TSBP1: variants seen among roughly 807,000 people sequenced by gnomAD.
The protein encoded by TSBP1 is testis expressed basic protein 1.
TSBP1 carries 56 observed loss-of-function variants against 68.8 expected under a neutral mutation model. The ratio of observed to expected loss-of-function variants is 0.81; its 90% confidence interval spans 0.66 to 1.02. TSBP1 has a LOEUF of 1.02. Ranked by LOEUF, TSBP1 falls within the 50% of genes least tolerant of loss-of-function variation. TSBP1 has a pLI of 0.00. For missense variants in TSBP1, 502 were observed against 641.2 expected (o/e 0.78, Z 2.34); for synonymous variants, 171 against 208.7 (o/e 0.82, Z 1.56).
In TSBP1 at chr6:32,330,673, C is replaced by CACACA. The variant is rs1192614256; in HGVS notation, c.494-65_494-64insTGTGT. The CACACA allele has an allele frequency of 2.7e-6, 4 of 1,464,580 alleles. No individual in the cohort carries two copies. The African/African-American group carries it at 5.7e-5, about 21-fold the overall frequency. The allele number at this position is 1,464,580 out of a possible 1,614,324, so 90.7% of individuals were successfully genotyped here. The stretch of plus-strand genomic sequence containing the variant: ...ACACACACACACACACACACACACA[C>CACACA]ACTTCTATTTTTTGAGACAGAGTCT... On this transcript the variant is annotated intron_variant, in intron 15 of 22. Transcript: ENST00000612031.
chr6:32,331,580 C>T (rs1178808975), intron 15 of TSBP1, among the ~76,000 whole-genome samples: 1 of 152,144 alleles, frequency 6.6e-6, no homozygotes, highest in East Asian at 1.9e-4. Flanking sequence ...AAAGGGCCAA[C>T]TAAAGAAACA....
intron 19 of TSBP1, among the ~76,000 whole-genome samples, chr6:32,309,965 A>G (rs1044920733): frequency 2.0e-5 from 3 of 152,088 alleles, no homozygotes; most frequent in Non-Finnish European, 4.4e-5. Flanking sequence ...CAATGTTTTA[A>G]TTTTTAGTTC....
At chr6:32,329,239 A>T (rs200164493) in intron 16 of TSBP1, among the ~76,000 whole-genome samples, 1 of 69,124 alleles carries the variant, frequency 1.4e-5, no homozygotes, top group Non-Finnish European at 4.1e-5. Context: ...GGAGTCAAGC[A>T]GGGGAGAAAA....
At chr6:32,294,322 A>G (rs1290810358) in intron 22 of TSBP1, among the ~76,000 whole-genome samples, 2 of 151,904 alleles carry the variant, frequency 1.3e-5, no homozygotes, top group Non-Finnish European at 2.9e-5. Context: ...AATAATGCTT[A>G]GTGGCTAACA....
intron 9 of TSBP1, 156 bp downstream of exon 9, chr6:32,349,584 G>C: frequency 1.7e-6 from 1 of 592,720 alleles, no homozygotes; most frequent in East Asian, 2.8e-5. Flanking sequence ...ACTGATTATT[G>C]AAGTGTCTGG....
chr6:32,337,069 G>C lies in TSBP1; in HGVS notation c.410-434C>G, dbSNP rs982822125. 1.8e-4 allele frequency among the ~76,000 whole-genome samples: 27 copies of C among 152,092 alleles called. No homozygotes were observed. The highest frequency in any genetic ancestry group is 6.0e-4 in the African/African-American group (25 of 41,406). On this transcript the variant is annotated intron_variant, in intron 11 of 22. Coordinates refer to ENST00000612031, the Ensembl canonical transcript of TSBP1. The surrounding 1 kb of genome is among the most constrained non-coding windows in gnomAD (Gnocchi z 5.5). ...GAGAGGACCCTATATCCTACAGAAG[G>C]CCAAAGAACATTAGAGGAAACAGAA...
chr6:32,308,276 T>C (rs1765972059), intron 19 of TSBP1, among the ~76,000 whole-genome samples: 1 of 151,498 alleles, frequency 6.6e-6, no homozygotes, highest in Non-Finnish European at 1.5e-5. Flanking sequence ...TTGTATAATA[T>C]TGTGCTAAGC....
chr6:32,345,441 T>G (rs1349092448), intron 9 of TSBP1, among the ~76,000 whole-genome samples: 1 of 152,068 alleles, frequency 6.6e-6, no homozygotes, highest in Admixed American at 6.5e-5. Flanking sequence ...TGATTAGGTC[T>G]CATTAAGTAC....
At chr6:32,368,789 T>C (rs764291835) in exon 3 of TSBP1, 1 of 1,585,302 alleles carries the variant, frequency 6.3e-7, no homozygotes, top group South Asian at 1.1e-5. Flanking sequence ...TACTTTGTTC[T>C]GAACTGTATC....
intron 18 of TSBP1, 41 bp from the exon 20 acceptor site, chr6:32,322,547 A>C: frequency 7.0e-7 from 1 of 1,429,360 alleles, no homozygotes; most frequent in Non-Finnish European, 9.9e-7. Flanking sequence ...ATTTTTCTCA[A>C]ATAGAAAACA....
chr6:32,344,861 T>TGGG (rs1770800559), intron 9 of TSBP1, among the ~76,000 whole-genome samples: 35 of 143,484 alleles, frequency 2.4e-4, no homozygotes, highest in Non-Finnish European at 4.1e-4. Flanking sequence ...GTTTTTTTTT[T>TGGG]GGGGCTGGGG....
At chr6:32,330,716 G>T in intron 15 of TSBP1, 107 bp from the exon 17 acceptor site, 1 of 1,341,568 alleles carries the variant, frequency 7.5e-7, no homozygotes. Flanking sequence ...TGTCGCCCAG[G>T]CTGGAGTGTG....
intron 16 of TSBP1, among the ~76,000 whole-genome samples, chr6:32,329,264 A>C (rs569255353): frequency 6.6e-6 from 1 of 152,258 alleles, no homozygotes; most frequent in Admixed American, 6.5e-5. Flanking sequence ...AAGGGAATTC[A>C]TGTATCCATG....
In TSBP1 at chr6:32,315,537, G is replaced by A. The variant is rs1209939666; in HGVS notation, c.580+235C>T. On this transcript the variant is annotated intron_variant, in intron 19 of 22. Transcript: ENST00000612031. This position sits in a 1 kb window ranked among gnomAD's most constrained non-coding sequence, Gnocchi z 5.4. ...AGATCACGCCACTGCACTCCAGCCT[G>A]TGTGACAGAGTGAGACTCTGTCTCA... 1.3e-5 allele frequency among the ~76,000 whole-genome samples: 2 copies of A among 152,146 alleles called. No homozygotes were observed. Among genetic ancestry groups the A allele is most frequent in the Admixed American group, 6.5e-5 (1 of 15,278 alleles).
Position 32,343,294 on chromosome 6 carries a change from A to G in TSBP1, c.350-3656T>C. Reference sequence around the variant, plus strand: ...ATAACAATTATTCAAGTCAGTCTAAAGTTTCAATAATCCATCAATTTCCCA... The same window carrying G: ...ATAACAATTATTCAAGTCAGTCTAAGGTTTCAATAATCCATCAATTTCCCA... On this transcript the variant is annotated intron_variant, in intron 9 of 22. Coordinates refer to ENST00000612031, the Ensembl canonical transcript of TSBP1. This position sits in a 1 kb window ranked among gnomAD's most constrained non-coding sequence, Gnocchi z 4.3. 1 of 1,302,074 alleles carries G rather than the reference A, an allele frequency of 7.7e-7. No individual in the cohort carries two copies. Among genetic ancestry groups the G allele is most frequent in the Non-Finnish European group, 1.0e-6 (1 of 994,854 alleles). 80.7% of individuals were successfully genotyped at this position (1,302,074 alleles called of 1,614,324 possible). A position where few individuals can be genotyped will look rare whatever the true frequency, so the allele number is the denominator to read the frequency against.
chr6:32,310,131 A>G (rs1157877931), intron 19 of TSBP1, among the ~76,000 whole-genome samples: 2 of 152,038 alleles, frequency 1.3e-5, no homozygotes, highest in African/African-American at 4.8e-5. Flanking sequence ...GGCACATATT[A>G]TTGCTAATGA....
At chr6:32,311,047 T>C (rs1766350658) in intron 19 of TSBP1, among the ~76,000 whole-genome samples, 2 of 152,132 alleles carry the variant, frequency 1.3e-5, no homozygotes, top group Non-Finnish European at 2.9e-5. Flanking sequence ...CTGTTGTTTA[T>C]TTTTTCCATA....
rs1774062645 is a variant in TSBP1 at position 32,368,817 on chromosome 6, G to A, written c.101-3C>T. 6.3e-7 allele frequency: 1 copy of A among 1,588,036 alleles called. No individual in the cohort carries two copies. Among genetic ancestry groups the A allele is most frequent in the Admixed American group, 1.7e-5 (1 of 58,484 alleles). ...ACTGTATCTGGAGATATACATTTCT[G>A]TGGAAGAATTAGGCAAAATGTTTTT... On this transcript the variant is annotated splice_region_variant and splice_polypyrimidine_tract_variant and intron_variant, in intron 2 of 22. Transcript: ENST00000612031.
chr6:32,324,420 T>G, intron 16 of TSBP1: 1 of 693,312 alleles, frequency 1.4e-6, no homozygotes, highest in Non-Finnish European at 2.6e-6. Context: ...CTGACTTATC[T>G]CTTCCCTTTT....
Sources: gnomAD v4.1 joint callset for allele counts (sites outside exome capture counted in the v4.1 genomes callset) on GRCh38, gnomAD v4.1.1 for gene constraint, Gnocchi (gnomAD v3.1) non-coding constraint, MANE v1.5 for transcripts, NCBI Gene and HGNC (gene_info 2026-07-23, HGNC 2026-07-21) for gene names.